The following NPAS2 variants were observed in gnomAD, a reference collection of about 807,000 sequenced individuals.
The protein encoded by NPAS2 is neuronal PAS domain protein 2, also known as neuronal PAS domain-containing protein 2.
A neutral mutation model predicts 107.5 loss-of-function variants in NPAS2; 23 were observed. The observed-to-expected ratio is 0.21, with a 90% CI of 0.15 to 0.30. The LOEUF is 0.30. Ranked by LOEUF, NPAS2 falls within the 10% of genes least tolerant of loss-of-function variation. The pLI, the probability that NPAS2 is intolerant of heterozygous loss-of-function variation, is 1.00. For missense variants in NPAS2, 756 were observed against 1,043.3 expected, an observed-to-expected ratio of 0.72 and a Z score of 3.79; for synonymous variants, 403 against 417.5, an observed-to-expected ratio of 0.97 and a Z score of 0.42.
intron 2 of NPAS2, among the ~76,000 whole-genome samples, chr2:100,924,050 G>A (rs1301785605): frequency 6.6e-6 from 1 of 152,130 alleles, no homozygotes; most frequent in Non-Finnish European, 1.5e-5. Flanking sequence ...TCCTATAAGT[G>A]TGCAGCACAG....
chr2:100,931,735 C>T (rs1221785371), intron 3 of NPAS2, among the ~76,000 whole-genome samples: 1 of 152,074 alleles, frequency 6.6e-6, no homozygotes, highest in Admixed American at 6.6e-5. Flanking sequence ...CTGCCCATCT[C>T]GGCCTCCCAA....
intron 5 of NPAS2, among the ~76,000 whole-genome samples, chr2:100,946,806 G>T (rs1674924170): frequency 6.6e-6 from 1 of 152,114 alleles, no homozygotes; most frequent in South Asian, 2.1e-4. Context: ...GAAGTGAATG[G>T]AGCAGAGAAT....
At position 100,941,814 on chromosome 2, in the gene NPAS2, A is replaced by T. The variant is rs902336019; in HGVS notation, c.363+3972A>T. ...CAAATGAGAGACCAAAAGTAGGCAT[A>T]ATCTGTGTTTCCTGTTTGGGCTTTT... On this transcript the variant is annotated intron_variant, in intron 5 of 20. Coordinates refer to ENST00000335681, the MANE Select transcript of NPAS2 (RefSeq NM_002518.4). Among the ~76,000 whole-genome samples, 52 of 152,114 alleles carry T rather than the reference A, an allele frequency of 3.4e-4. 1 individual carries two copies. Among genetic ancestry groups the T allele is most frequent in the African/African-American group, 1.2e-3 (50 of 41,420 alleles).
chr2:100,859,540 A>G (rs1463010964), intron 1 of NPAS2, among the ~76,000 whole-genome samples: 1 of 152,130 alleles, frequency 6.6e-6, no homozygotes, highest in Non-Finnish European at 1.5e-5. Flanking sequence ...CCTTCGAGGA[A>G]GTGGATGGAT....
At chr2:100,873,499 T>C (rs1016829077) in intron 1 of NPAS2, among the ~76,000 whole-genome samples, 8 of 151,412 alleles carry the variant, frequency 5.3e-5, no homozygotes, top group African/African-American at 1.9e-4. Flanking sequence ...ATTGTATCCC[T>C]TTTTTTAACC....
In NPAS2 at chr2:100,995,631, G is replaced by A; in HGVS notation, c.*49G>A. 2.5e-6 allele frequency: 4 copies of A among 1,575,228 alleles called. No individual in the cohort carries two copies. Among genetic ancestry groups the A allele is most frequent in the Non-Finnish European group, 3.4e-6 (4 of 1,160,498 alleles). On this transcript the variant is annotated 3_prime_UTR_variant, in exon 21 of 21. Coordinates refer to ENST00000335681, the MANE Select transcript of NPAS2 (RefSeq NM_002518.4). The stretch of plus-strand genomic sequence containing the variant: ...ACAATCAGCTTTAACCAATGGATGA[G>A]GGGGGTGGCCACAGGAGATGGGGAG...
intron 1 of NPAS2, among the ~76,000 whole-genome samples, chr2:100,838,025 C>T (rs1348620618): frequency 6.6e-6 from 1 of 152,180 alleles, no homozygotes; most frequent in African/African-American, 2.4e-5. Flanking sequence ...TCTGCCTTTC[C>T]ACCTCATTCT....
intron 1 of NPAS2, among the ~76,000 whole-genome samples, chr2:100,865,949 C>G (rs1438442745): frequency 6.6e-6 from 1 of 152,230 alleles, no homozygotes; most frequent in Non-Finnish European, 1.5e-5. Flanking sequence ...ATTCCTGTCT[C>G]TTCACTGATT....
intron 1 of NPAS2, among the ~76,000 whole-genome samples, chr2:100,871,314 CTCT>C (rs148208692): frequency 0.016 from 2,305 of 148,648 alleles, 65 homozygotes; most frequent in African/African-American, 0.054. Context: ...TGCTGCCCAC[CTCT>C]TCTTCTTCCT....
intron 1 of NPAS2, among the ~76,000 whole-genome samples, chr2:100,832,358 G>A (rs531451483): frequency 7.0e-4 from 106 of 152,274 alleles, no homozygotes; most frequent in African/African-American, 2.4e-3. Flanking sequence ...TGCTCCAAGC[G>A]CTTACCTGAC....
chr2:100,942,183 T>C (rs1573677034), intron 5 of NPAS2, among the ~76,000 whole-genome samples: 1 of 152,000 alleles, frequency 6.6e-6, no homozygotes, highest in African/African-American at 2.4e-5. Flanking sequence ...GCTCGCCAGG[T>C]ACAAGCCCCA....
At chr2:100,861,855 T>C (rs1025740233) in intron 1 of NPAS2, among the ~76,000 whole-genome samples, 1 of 152,158 alleles carries the variant, frequency 6.6e-6, no homozygotes, top group Non-Finnish European at 1.5e-5. Context: ...GAAAAAGAAA[T>C]GTAAACAGAT....
intron 1 of NPAS2, among the ~76,000 whole-genome samples, chr2:100,827,279 C>T (rs1194853277): frequency 1.3e-5 from 2 of 152,202 alleles, no homozygotes; most frequent in Non-Finnish European, 2.9e-5. Context: ...ATCAGATTTA[C>T]AGTCAGACAG....
chr2:100,880,434 G>A (rs755570698), intron 1 of NPAS2, among the ~76,000 whole-genome samples: 3 of 152,160 alleles, frequency 2.0e-5, no homozygotes, highest in Non-Finnish European at 2.9e-5. Flanking sequence ...TATATATATA[G>A]GAATATTATT....
chr2:100,954,661 T>G (rs1284714997), intron 7 of NPAS2, among the ~76,000 whole-genome samples: 3 of 92,506 alleles, frequency 3.2e-5, no homozygotes, highest in Admixed American at 1.3e-4. Context: ...TAAAACTGTG[T>G]CTCAAAAAAA....
At chr2:100,931,570 T>C (rs1683964217) in intron 3 of NPAS2, among the ~76,000 whole-genome samples, 2 of 147,300 alleles carry the variant, frequency 1.4e-5, no homozygotes, top group South Asian at 2.1e-4. Flanking sequence ...CACTGCAAGC[T>C]CTGCCTCCTG....
chr2:100,968,229 A>G lies in NPAS2; in HGVS notation c.908-52A>G, dbSNP rs1676344718. On this transcript the variant is annotated intron_variant, in intron 10 of 20. Coordinates refer to ENST00000335681, the MANE Select transcript of NPAS2 (RefSeq NM_002518.4). This position sits in a 1 kb window ranked among gnomAD's most constrained non-coding sequence, Gnocchi z 5.3. ...CTTTACAATAACTCTTGGGGAAAAG[A>G]TCATTTTCATATTAACATTGGTTAT... is the stretch of plus-strand genomic sequence containing the variant. The G allele has an allele frequency of 2.5e-6, 4 of 1,572,994 alleles. No homozygotes were observed. The highest frequency in any genetic ancestry group is 2.6e-6 in the Non-Finnish European group (3 of 1,146,198).
chr2:100,844,891 A>G (rs1033074848), intron 1 of NPAS2, among the ~76,000 whole-genome samples: 2 of 152,196 alleles, frequency 1.3e-5, no homozygotes, highest in African/African-American at 2.4e-5. Flanking sequence ...GATGAGAGAC[A>G]TTGTACTGTG....
chr2:100,900,818 C>A (rs1042480180), intron 1 of NPAS2, among the ~76,000 whole-genome samples: 1 of 152,176 alleles, frequency 6.6e-6, no homozygotes, highest in Non-Finnish European at 1.5e-5. Context: ...ACAATGATTA[C>A]TATGGTATGC....
Sources: allele counts gnomAD v4.1 joint callset (sites outside exome capture counted in the v4.1 genomes callset), GRCh38; gene constraint gnomAD v4.1.1; non-coding constraint Gnocchi (gnomAD v3.1); transcripts MANE v1.5; gene names NCBI Gene and HGNC (gene_info 2026-07-23, HGNC 2026-07-21).